The following CCDC12 variants were observed in gnomAD, a reference collection of about 807,000 sequenced individuals.
CCDC12 encodes the protein coiled-coil domain-containing protein 12.
A neutral mutation model predicts 25.7 loss-of-function variants in CCDC12; 28 were observed. The observed-to-expected ratio is 1.09, with a 90% CI of 0.81 to 1.50. The LOEUF is 1.50. Ranked by LOEUF, CCDC12 falls within the 40% of genes most tolerant of loss-of-function variation. The probability of loss-of-function intolerance (pLI) is 0.00; values close to 1 mark genes in which losing one functional copy is unlikely to be tolerated. For missense variants in CCDC12, 198 were observed against 210.0 expected (o/e 0.94, Z 0.35); for synonymous variants, 75 against 87.7 (o/e 0.86, Z 0.81).
chr3:46,928,628 A>T (rs1361769914), intron 2 of CCDC12, among the ~76,000 whole-genome samples: 1 of 152,262 alleles, frequency 6.6e-6, no homozygotes, highest in Admixed American at 6.5e-5. Context: ...ATGAAATGGT[A>T]TCTCAGAAGT....
rs369626562 is a variant in CCDC12 at position 46,923,628 on chromosome 3, G to C, written c.285C>G (p.Pro95=). 6 of 1,589,586 alleles carry C rather than the reference G, an allele frequency of 3.8e-6. No homozygotes were observed. The highest frequency in any genetic ancestry group is 4.5e-5 in the East Asian group (2 of 44,012). Residue 95 remains proline, a synonymous_variant, in exon 4 of 7, where the codon CCC becomes CCG. Transcript: ENST00000683445. ...TCACCACCTCCTCGATGACGGGCTC[G>C]GGCTTGGCGGCCTCCAGCTGCTCCT... The part of the protein sequence containing the change: ...KVKEQLEAAK[P]EPVIEEVDLA...
At chr3:46,933,155 G>A (rs958327460) in intron 2 of CCDC12, among the ~76,000 whole-genome samples, 2 of 152,186 alleles carry the variant, frequency 1.3e-5, no homozygotes, top group African/African-American at 4.8e-5. Flanking sequence ...CTACCCCACA[G>A]TGGAGTTCAG....
At chr3:46,937,505 A>C (rs1425974347) in intron 2 of CCDC12, among the ~76,000 whole-genome samples, 2 of 152,192 alleles carry the variant, frequency 1.3e-5, no homozygotes, top group Non-Finnish European at 2.9e-5. Context: ...CAGCCGAGGA[A>C]GAAGGATGCT....
At chr3:46,969,873 A>T (rs2034751954) in intron 1 of CCDC12, among the ~76,000 whole-genome samples, 1 of 151,514 alleles carries the variant, frequency 6.6e-6, no homozygotes, top group African/African-American at 2.4e-5. Context: ...TAAACTAACT[A>T]AAATTAAATG....
chr3:46,974,874 A>G (rs1388659760), intron 1 of CCDC12, among the ~76,000 whole-genome samples: 1 of 152,236 alleles, frequency 6.6e-6, no homozygotes, highest in Non-Finnish European at 1.5e-5. Context: ...TTATCCCATT[A>G]GATCTCACAA....
intron 1 of CCDC12, among the ~76,000 whole-genome samples, chr3:46,951,706 G>T (rs1215112285): frequency 2.1e-5 from 3 of 143,348 alleles, no homozygotes; most frequent in African/African-American, 7.8e-5. Flanking sequence ...CGTGAACTAG[G>T]GAGGCGGAGC....
chr3:46,929,457 C>G (rs1332091913), intron 2 of CCDC12, among the ~76,000 whole-genome samples: 2 of 152,166 alleles, frequency 1.3e-5, no homozygotes, highest in Non-Finnish European at 2.9e-5. Context: ...CAGGGTGTGA[C>G]GAGATGGTGC....
chr3:46,925,059 G>A, intron 3 of CCDC12: 1 of 367,928 alleles, frequency 2.7e-6, no homozygotes, highest in South Asian at 2.0e-5. Context: ...GTGTGTGGCT[G>A]AATGACTGGC....
intron 1 of CCDC12, among the ~76,000 whole-genome samples, chr3:46,956,043 A>T (rs1174701622): frequency 6.6e-6 from 1 of 152,252 alleles, no homozygotes; most frequent in Non-Finnish European, 1.5e-5. Flanking sequence ...CCACATTTAA[A>T]CAGGGGCTTT....
chr3:46,946,789 A>T (rs2107151640), intron 1 of CCDC12, among the ~76,000 whole-genome samples: 1 of 152,276 alleles, frequency 6.6e-6, no homozygotes, highest in South Asian at 2.1e-4. Flanking sequence ...AGTTAAAATG[A>T]GGGCTGGGAA....
At chr3:46,934,866 G>A (rs1396302119) in intron 2 of CCDC12, among the ~76,000 whole-genome samples, 1 of 152,270 alleles carries the variant, frequency 6.6e-6, no homozygotes, top group Non-Finnish European at 1.5e-5. Context: ...CAGGAGGCGT[G>A]ATGGGAGCCG....
intron 1 of CCDC12, among the ~76,000 whole-genome samples, chr3:46,959,138 C>T (rs2107176450): frequency 6.6e-6 from 1 of 152,318 alleles, no homozygotes; most frequent in South Asian, 2.1e-4. Context: ...AGAACTGGCA[C>T]ATTTTTTTGT....
Position 46,925,405 on chromosome 3 carries a change from G to A in CCDC12, c.244+51C>T, listed in dbSNP as rs372455868. ...AGAGAGCAAAGCCTGCTGAGGTGGA[G>A]GGTGGCTGACAGTGCCAGGAAGCAG... On this transcript the variant is annotated intron_variant, in intron 3 of 6. Transcript: ENST00000683445. 5 of 1,477,220 alleles carry A rather than the reference G, an allele frequency of 3.4e-6. No homozygotes were observed. The East Asian group carries it at 1.1e-4, about 33-fold the overall frequency. The allele number at this position is 1,477,220 out of a possible 1,614,324, so 91.5% of individuals were successfully genotyped here. A position where few individuals can be genotyped will look rare whatever the true frequency, so the allele number is the denominator to read the frequency against.
At chr3:46,957,124 G>C (rs2034314741) in intron 1 of CCDC12, among the ~76,000 whole-genome samples, 1 of 152,160 alleles carries the variant, frequency 6.6e-6, no homozygotes, top group African/African-American at 2.4e-5. Flanking sequence ...CTTGAAGCAG[G>C]AAGGTAACTG....
At chr3:46,981,459 TA>T (rs2107240778), upstream of CCDC12, among the ~76,000 whole-genome samples, 1 of 151,944 alleles carries the variant, frequency 6.6e-6, no homozygotes, top group Non-Finnish European at 1.5e-5. Context: ...AAAATAAAAA[TA>T]AAAAACTGAC....
rs3028814 is a variant in CCDC12, at chr3:46,975,526, C to CT, written c.96+1110dup. Among the ~76,000 whole-genome samples, 116 of 82,560 alleles carry CT rather than the reference C, an allele frequency of 1.4e-3. 4 individuals are homozygous for CT. The highest frequency in any genetic ancestry group is 0.012 in the Middle Eastern group (1 of 84). 54.2% of individuals were successfully genotyped at this position (82,560 alleles called of 152,430 possible). A position where few individuals can be genotyped will look rare whatever the true frequency, so the allele number is the denominator to read the frequency against. ...ACCCTTAGTTAGAAATAAATCTTTT[C>CT]TTTTTTTTTTTTTTTTTTTTTTGAG... On this transcript the variant is annotated intron_variant, in intron 1 of 6. Coordinates refer to ENST00000683445, the MANE Select transcript of CCDC12 (RefSeq NM_001277074.2).
intron 1 of CCDC12, among the ~76,000 whole-genome samples, chr3:46,967,222 G>A (rs1458964193): frequency 1.3e-5 from 2 of 151,982 alleles, no homozygotes; most frequent in Non-Finnish European, 2.9e-5. Flanking sequence ...CAGGAACCCT[G>A]TCTGTGCGCA....
intron 1 of CCDC12, among the ~76,000 whole-genome samples, chr3:46,956,994 G>A (rs1370084710): frequency 1.3e-5 from 2 of 152,164 alleles, no homozygotes; most frequent in Non-Finnish European, 2.9e-5. Context: ...TATTCTATGG[G>A]CTGCCCAGAG....
At chr3:46,922,549 G>T (rs906237376) in intron 5 of CCDC12, 9 of 583,522 alleles carry the variant, frequency 1.5e-5, no homozygotes, top group Admixed American at 9.0e-5. Flanking sequence ...CCAACACAAG[G>T]GACTGAGCTA....
Sources: allele counts gnomAD v4.1 joint callset (sites outside exome capture counted in the v4.1 genomes callset), GRCh38; gene constraint gnomAD v4.1.1; transcripts MANE v1.5; gene names NCBI Gene and HGNC (gene_info 2026-07-23, HGNC 2026-07-21).